Variants in BAHCC1 observed in about 807,000 individuals in gnomAD.
The protein encoded by BAHCC1 is BAH and coiled-coil domain-containing protein 1.
Under a neutral mutation model 88.2 loss-of-function variants are expected in BAHCC1, and 43 were observed. The ratio of observed to expected loss-of-function variants is 0.49; its 90% CI spans 0.38 to 0.63. The LOEUF (loss-of-function observed/expected upper bound fraction) is 0.63. BAHCC1 is among the 20% of genes least tolerant of loss of function. The pLI is 0.00. For missense variants in BAHCC1, 3,023 were observed against 1,654.8 expected (o/e 1.83, Z -14.34); for synonymous variants, 1,510 against 745.5 (o/e 2.03, Z -16.71).
In BAHCC1 at chr17:81,459,033, G is replaced by A. The variant is rs782669145; in HGVS notation, c.5606-21G>A. ...GGGTGGTGGGTAGGCCGTGCCGGCC[G>A]CTGACACCTTGTGCCCACAGCGCGC... On this transcript the variant is annotated intron_variant, in intron 20 of 27. Transcript: ENST00000675386. The A allele has an allele frequency of 3.8e-5, 28 of 737,430 alleles. No individual in the cohort carries two copies. In the Middle Eastern group the frequency reaches 6.8e-4, roughly 18 times the overall value. 45.7% of individuals were successfully genotyped at this position (737,430 alleles called of 1,614,324 possible).
At position 81,403,751 on chromosome 17, in the gene BAHCC1, T is replaced by C. The variant is rs910699532; in HGVS notation, c.178+3834T>C. ...TTTCCGAAGACGTCACCCGTCCCGCTCCATAAGTGACAGAGTTAGACATCA... is the reference window on the plus strand; with the variant it reads ...TTTCCGAAGACGTCACCCGTCCCGCCCCATAAGTGACAGAGTTAGACATCA... On this transcript the variant is annotated intron_variant, in intron 2 of 27. Coordinates refer to ENST00000675386, the MANE Select transcript of BAHCC1 (RefSeq NM_001377448.1). Among the ~76,000 whole-genome samples, 5 of 152,278 alleles carry C rather than the reference T, an allele frequency of 3.3e-5. No individual in the cohort carries two copies. The South Asian group carries it at 1.0e-3, about 32-fold the overall frequency.
At position 81,411,079 on chromosome 17, in the gene BAHCC1, C is replaced by T; in HGVS notation, c.178+11162C>T. On this transcript the variant is annotated intron_variant, in intron 2 of 27. Transcript: ENST00000675386. The surrounding 1 kb of genome is among the most constrained non-coding windows in gnomAD (Gnocchi z 6.2). Reference sequence around the variant, plus strand: ...CCCCTCGGGCCTGAGGGGTCCCTCTCTCTGGGGTCACGCTCCCTTGTTCTC... The same window carrying T: ...CCCCTCGGGCCTGAGGGGTCCCTCTTTCTGGGGTCACGCTCCCTTGTTCTC... 1.9e-6 allele frequency: 1 copy of T among 519,370 alleles called. No individual in the cohort carries two copies. The allele number at this position is 519,370 out of a possible 1,614,324, so 32.2% of individuals were successfully genotyped here. A position where few individuals can be genotyped will look rare whatever the true frequency, so the allele number is the denominator to read the frequency against.
At chr17:81,409,978 C>T (rs1940474139) in intron 2 of BAHCC1, 1 of 240,510 alleles carries the variant, frequency 4.2e-6, no homozygotes, top group Admixed American at 5.0e-5. Context: ...GCCAAGCCAC[C>T]TTGGCTGCAG....
At chr17:81,455,659 G>A (rs2064735176) in intron 15 of BAHCC1, among the ~76,000 whole-genome samples, 2 of 152,200 alleles carry the variant, frequency 1.3e-5, no homozygotes, top group African/African-American at 4.8e-5. Context: ...AAATGCCCAG[G>A]CTACACTCTG....
At chr17:81,403,918 C>T (rs1057281110) in intron 2 of BAHCC1, among the ~76,000 whole-genome samples, 7 of 152,258 alleles carry the variant, frequency 4.6e-5, no homozygotes, top group Non-Finnish European at 8.8e-5. Flanking sequence ...GCTGCCACCA[C>T]GTCTGATTAT....
At chr17:81,454,731 T>C (rs1156887190) in intron 14 of BAHCC1, among the ~76,000 whole-genome samples, 1 of 152,134 alleles carries the variant, frequency 6.6e-6, no homozygotes, top group East Asian at 1.9e-4. Context: ...GCATAAGCCC[T>C]GCCCCAGACT....
chr17:81,398,015 C>T (rs1555645207), intron 1 of BAHCC1, among the ~76,000 whole-genome samples: 2 of 152,104 alleles, frequency 1.3e-5, no homozygotes, highest in East Asian at 3.9e-4. Flanking sequence ...CATAAAATAT[C>T]GCAATTTAAA....
chr17:81,403,401 A>T (rs11150784), intron 2 of BAHCC1, among the ~76,000 whole-genome samples: 52,800 of 151,752 alleles, frequency 0.35, 10,233 homozygotes, highest in East Asian at 0.84. Flanking sequence ...TTATTGTGGG[A>T]GAAAGGCGAA....
chr17:81,399,519 C>T lies in BAHCC1; in HGVS notation c.-206-15C>T, dbSNP rs782047096. ...CCCCCAGTCACCCGTGTCTCCTCTGCTTTTGCCTCCACAGACCATGGACCC... is the reference window on the plus strand; with the variant it reads ...CCCCCAGTCACCCGTGTCTCCTCTGTTTTTGCCTCCACAGACCATGGACCC... On this transcript the variant is annotated splice_polypyrimidine_tract_variant and intron_variant, in intron 1 of 27. Coordinates refer to ENST00000675386, the MANE Select transcript of BAHCC1 (RefSeq NM_001377448.1). The surrounding 1 kb of genome is among the most constrained non-coding windows in gnomAD (Gnocchi z 4.5). 5 of 349,008 alleles carry T rather than the reference C, an allele frequency of 1.4e-5. No individual in the cohort carries two copies. Among genetic ancestry groups the T allele is most frequent in the Admixed American group, 6.9e-5 (2 of 28,862 alleles). The allele number at this position is 349,008 out of a possible 1,614,324, so 21.6% of individuals were successfully genotyped here.
rs1304556611 is a variant in BAHCC1, at chr17:81,431,370, C to G, written c.358+4391C>G. 3.3e-5 allele frequency among the ~76,000 whole-genome samples: 5 copies of G among 152,310 alleles called. No homozygotes were observed. The East Asian group carries it at 9.7e-4, about 29-fold the overall frequency. ...TTATGCATAGCCTCATGTTCACGGC[C>G]TGGCTGAGTGCTGCCAGTCACTGTT... On this transcript the variant is annotated intron_variant, in intron 3 of 27. Transcript: ENST00000675386.
intron 2 of BAHCC1, among the ~76,000 whole-genome samples, chr17:81,403,682 T>A (rs2063844277): frequency 6.6e-6 from 1 of 152,222 alleles, no homozygotes; most frequent in Non-Finnish European, 1.5e-5. Context: ...GATGGAGTGT[T>A]TCTGCAACAG....
At chr17:81,458,551 C>CCGCACG in intron 18 of BAHCC1, 70 bp from the exon 19 acceptor site, 1 of 687,156 alleles carries the variant, frequency 1.5e-6, no homozygotes, top group Non-Finnish European at 2.7e-6. Context: ...CACGCTGGCC[C>CCGCACG]CTGAGCTCTG....
At chr17:81,397,908 C>G (rs1359441209) in intron 1 of BAHCC1, among the ~76,000 whole-genome samples, 1 of 152,216 alleles carries the variant, frequency 6.6e-6, no homozygotes, top group Non-Finnish European at 1.5e-5. Flanking sequence ...AGCTTATCAG[C>G]TGAGCAAATA....
intron 3 of BAHCC1, among the ~76,000 whole-genome samples, chr17:81,432,258 C>T (rs1367810448): frequency 1.3e-5 from 2 of 152,104 alleles, no homozygotes; most frequent in African/African-American, 4.8e-5. Flanking sequence ...TGCAGCCGCC[C>T]CGGCAGGTGC....
chr17:81,452,099 C>T lies in BAHCC1; in HGVS notation c.4308C>T (p.His1436=), dbSNP rs782726088. ...AGCTGGCCCGCCTGCAGCGCAAGCA[C>T]GACCATGAGTACGCCTGGCGTGGCG... ...QRELARLQRK[H]DHERDESSRS... is the part of the protein sequence containing the mutation. Residue 1436 remains histidine, a synonymous_variant, in exon 13 of 28, where the codon CAC becomes CAT. Transcript: ENST00000675386. 18 of 633,084 alleles carry T rather than the reference C, an allele frequency of 2.8e-5. No individual in the cohort carries two copies. Among genetic ancestry groups the T allele is most frequent in the South Asian group, 2.6e-4 (14 of 53,734 alleles). The allele number at this position is 633,084 out of a possible 1,614,324, so 39.2% of individuals were successfully genotyped here.
intron 2 of BAHCC1, among the ~76,000 whole-genome samples, chr17:81,420,134 G>A (rs2064098569): frequency 2.0e-5 from 3 of 152,198 alleles, no homozygotes; most frequent in Admixed American, 2.0e-4. Flanking sequence ...TCTCCGGGGA[G>A]TCCTGGGCTC....
At chr17:81,439,199 T>C (rs2064378021) in intron 4 of BAHCC1, among the ~76,000 whole-genome samples, 1 of 152,152 alleles carries the variant, frequency 6.6e-6, no homozygotes, top group Non-Finnish European at 1.5e-5. Context: ...TGGGTCCTTA[T>C]CTCCAAGTTG....
Position 81,411,656 on chromosome 17 carries a change from G to T in BAHCC1, c.178+11739G>T. ...AGGGTGTGGGGTGGTCAGGTTTGGG[G>T]CATTCCAGACCTGAGGCCCTCCAGG... On this transcript the variant is annotated intron_variant, in intron 2 of 27. Transcript: ENST00000675386. The surrounding 1 kb of genome is among the most constrained non-coding windows in gnomAD (Gnocchi z 6.2). The T allele has an allele frequency of 2.7e-6, 1 of 370,874 alleles. No individual in the cohort carries two copies. Among genetic ancestry groups the T allele is most frequent in the Non-Finnish European group, 5.3e-6 (1 of 188,786 alleles). The allele number at this position is 370,874 out of a possible 1,614,324, so 23.0% of individuals were successfully genotyped here.
chr17:81,395,686 ATTATT>A (rs1482278599), intron 1 of BAHCC1, 51 bp downstream of exon 1: 3 of 150,672 alleles, frequency 2.0e-5, no homozygotes, highest in South Asian at 2.1e-4. Context: ...TATTTTTATT[ATTATT>A]TTATTTTTTA....
Sources: allele counts gnomAD v4.1 joint callset (sites outside exome capture counted in the v4.1 genomes callset), GRCh38; gene constraint gnomAD v4.1.1; non-coding constraint Gnocchi (gnomAD v3.1); transcripts MANE v1.5; gene names NCBI Gene and HGNC (gene_info 2026-07-23, HGNC 2026-07-21).